TBC1D5: variants seen among roughly 807,000 people sequenced by gnomAD.
TBC1D5 encodes TBC1 domain family member 5.
A neutral mutation model predicts 100.3 loss-of-function variants in TBC1D5; 75 were observed. That is an observed-to-expected ratio of 0.75 (90% CI 0.62 to 0.91). The LOEUF is 0.91. TBC1D5 is among the 40% of genes least tolerant of loss of function. TBC1D5 has a pLI of 0.00. For missense variants in TBC1D5, 910 were observed against 942.4 expected (o/e 0.97, Z 0.45); for synonymous variants, 323 against 325.6 (o/e 0.99, Z 0.09).
chr3:17,383,984 T>C, exon 9 of TBC1D5: 1 of 1,599,290 alleles, frequency 6.3e-7, no homozygotes, highest in South Asian at 1.1e-5. Context: ...TTTCTCACAT[T>C]TTCTTGCTGG....
At chr3:17,557,712 A>G (rs1203804980) in intron 2 of TBC1D5, among the ~76,000 whole-genome samples, 1 of 152,144 alleles carries the variant, frequency 6.6e-6, no homozygotes, top group East Asian at 1.9e-4. Context: ...AACCATGCCC[A>G]ATTAATTTTT....
chr3:17,193,503 GT>G (rs1203337665), intron 18 of TBC1D5, among the ~76,000 whole-genome samples: 2 of 152,172 alleles, frequency 1.3e-5, no homozygotes, highest in Admixed American at 6.5e-5. Context: ...GACATATGGG[GT>G]ATGGATTACA....
intron 18 of TBC1D5, among the ~76,000 whole-genome samples, chr3:17,199,586 C>G (rs2071191130): frequency 6.6e-6 from 1 of 152,200 alleles, no homozygotes; most frequent in Non-Finnish European, 1.5e-5. Context: ...GGCAGCACTT[C>G]TCACTGTTTT....
intron 13 of TBC1D5, among the ~76,000 whole-genome samples, chr3:17,363,135 T>C (rs2091858000): frequency 6.6e-6 from 1 of 152,200 alleles, no homozygotes; most frequent in African/African-American, 2.4e-5. Context: ...TTTACTTTTC[T>C]TTTTCCATGT....
intron 12 of TBC1D5, among the ~76,000 whole-genome samples, chr3:17,373,016 G>A (rs1036131303): frequency 2.6e-5 from 4 of 152,150 alleles, no homozygotes; most frequent in African/African-American, 9.7e-5. Context: ...CAGACAATAA[G>A]TAAACAAATA....
rs766105180 is a variant in TBC1D5, at chr3:17,372,198, A to T, written c.872T>A (p.Leu291Ter). 1 of 1,613,704 alleles carries T rather than the reference A, an allele frequency of 6.2e-7. No individual in the cohort carries two copies. Among genetic ancestry groups the T allele is most frequent in the Non-Finnish European group, 8.5e-7 (1 of 1,179,738 alleles). ...AGTAACAATAGCAATTGTTGGCCCT[A>T]AATCTTGTGGTCTAGCAAAGGGAAT... Residue 291 changes from leucine (L) to a stop codon, truncating the protein, a stop_gained, in exon 13 of 22, where the codon TTA (leucine) becomes TAA (stop). Coordinates refer to ENST00000253692, the Ensembl canonical transcript of TBC1D5. LOFTEE classifies it high-confidence loss of function.
chr3:17,602,621 G>A (rs897665041), intron 2 of TBC1D5, among the ~76,000 whole-genome samples: 4 of 122,976 alleles, frequency 3.3e-5, no homozygotes, highest in Non-Finnish European at 4.7e-5. Flanking sequence ...TGCCCAGGCT[G>A]GAGTGCAGTG....
intron 1 of TBC1D5, among the ~76,000 whole-genome samples, chr3:17,646,413 G>A (rs1183833352): frequency 6.6e-6 from 1 of 152,050 alleles, no homozygotes; most frequent in African/African-American, 2.4e-5. Context: ...ACCATAAACT[G>A]AATTTGGACT....
rs539777769 is a variant in TBC1D5 at position 17,177,465 on chromosome 3, G to A, written c.1852+7644C>T. 2.6e-5 allele frequency among the ~76,000 whole-genome samples: 4 copies of A among 152,336 alleles called. No individual in the cohort carries two copies. In the East Asian group the frequency reaches 5.8e-4, roughly 22 times the overall value. ...TGCAGGCTACATCAGGATGCTAGGG[G>A]AGGCAGTGGGCTCTCTGCCCAGAGT... On this transcript the variant is annotated intron_variant, in intron 19 of 21. Transcript: ENST00000253692.
chr3:17,356,797 C>A (rs1159595220), intron 13 of TBC1D5, among the ~76,000 whole-genome samples: 1 of 152,140 alleles, frequency 6.6e-6, no homozygotes, highest in Non-Finnish European at 1.5e-5. Flanking sequence ...CCCTGGGGTT[C>A]TGAAATGCAG....
chr3:17,484,637 T>C (rs2095539358), intron 3 of TBC1D5, among the ~76,000 whole-genome samples: 1 of 151,982 alleles, frequency 6.6e-6, no homozygotes, highest in Non-Finnish European at 1.5e-5. Context: ...TGTATGCCAT[T>C]ATGCTTGGCT....
At chr3:17,330,843 G>T (rs1474175403) in intron 13 of TBC1D5, among the ~76,000 whole-genome samples, 1 of 152,098 alleles carries the variant, frequency 6.6e-6, no homozygotes, top group Non-Finnish European at 1.5e-5. Context: ...TGCTCCTCTT[G>T]TACTTACAGC....
chr3:17,320,061 T>C (rs2085205038), intron 13 of TBC1D5, among the ~76,000 whole-genome samples: 1 of 152,164 alleles, frequency 6.6e-6, no homozygotes, highest in African/African-American at 2.4e-5. Context: ...GACATTTAGG[T>C]TCCTTTGTTA....
At chr3:17,513,923 G>T (rs1302739940) in intron 2 of TBC1D5, among the ~76,000 whole-genome samples, 1 of 152,082 alleles carries the variant, frequency 6.6e-6, no homozygotes, top group African/African-American at 2.4e-5. Context: ...TGAATATCTG[G>T]TTTAAAAAAA....
At chr3:17,687,944 A>G (rs1282725656) in intron 1 of TBC1D5, among the ~76,000 whole-genome samples, 1 of 152,234 alleles carries the variant, frequency 6.6e-6, no homozygotes, top group Admixed American at 6.5e-5. Flanking sequence ...GGCAGACTGC[A>G]GTAAAAGTTA....
chr3:17,465,708 A>G (rs538877916), intron 3 of TBC1D5, among the ~76,000 whole-genome samples: 2 of 152,368 alleles, frequency 1.3e-5, no homozygotes, highest in South Asian at 4.1e-4. Flanking sequence ...CAAACAGGGT[A>G]TATGTGCTGT....
intron 1 of TBC1D5, among the ~76,000 whole-genome samples, chr3:17,635,540 C>T (rs1448211270): frequency 6.6e-6 from 1 of 151,950 alleles, no homozygotes; most frequent in Non-Finnish European, 1.5e-5. Flanking sequence ...ATTAGCCGGG[C>T]ATGGTGGCAC....
intron 3 of TBC1D5, among the ~76,000 whole-genome samples, chr3:17,480,077 C>A (rs560102328): frequency 6.6e-6 from 1 of 152,342 alleles, no homozygotes; most frequent in Non-Finnish European, 1.5e-5. Flanking sequence ...AAAGCTGTGG[C>A]TGAGTCCGGG....
chr3:17,525,055 C>T (rs1576506444), intron 2 of TBC1D5, among the ~76,000 whole-genome samples: 1 of 151,962 alleles, frequency 6.6e-6, no homozygotes, highest in Non-Finnish European at 1.5e-5. Flanking sequence ...AATTTCTGGA[C>T]ACACAAGAAA....
Sources: allele counts gnomAD v4.1 joint callset (sites outside exome capture counted in the v4.1 genomes callset), GRCh38; gene constraint gnomAD v4.1.1; transcripts MANE v1.5; gene names NCBI Gene and HGNC (gene_info 2026-07-23, HGNC 2026-07-21).